STAT2: variants seen among roughly 807,000 people sequenced by gnomAD.
The protein encoded by STAT2 is signal transducer and activator of transcription 2.
Under a neutral mutation model 122.3 loss-of-function variants are expected in STAT2, and 51 were observed. That is an observed-to-expected ratio of 0.42 (90% CI 0.33 to 0.53). The LOEUF is 0.53. Among genes scored for constraint, STAT2 ranks in the 20% least tolerant of loss-of-function variants. The pLI, the probability that STAT2 is intolerant of heterozygous loss-of-function variation, is 0.10. For synonymous variants in STAT2, 351 were observed against 394.9 expected, an observed-to-expected ratio of 0.89 and a Z score of 1.32; for missense variants, 736 against 1,010.3, an observed-to-expected ratio of 0.73 and a Z score of 3.68.
Position 56,354,484 on chromosome 12 carries a change from A to G in STAT2, c.764T>C (p.Leu255Ser). The change falls in exon 8 of 24, where the codon TTG becomes TCG. Residue 255 changes from leucine to serine, a missense_variant. Leu to Ser is a moderately radical substitution (Grantham distance 145). Transcript: ENST00000314128. ...CTCTCACCATGTCTCCAGCTGTTCCAACCCGTGGTCAATGGGAGCTCTGAT... is the reference window on the plus strand; with the variant it reads ...CTCTCACCATGTCTCCAGCTGTTCCGACCCGTGGTCAATGGGAGCTCTGAT... Reference protein sequence around the residue: ...ACIRAPIDHGLEQLETWFTAG... With the variant: ...ACIRAPIDHGSEQLETWFTAG... 1 of 1,614,168 alleles carries G rather than the reference A, an allele frequency of 6.2e-7. No individual in the cohort carries two copies. The highest frequency in any genetic ancestry group is 8.5e-7 in the Non-Finnish European group (1 of 1,180,026).
chr12:56,346,429 C>T lies in STAT2; in HGVS notation c.2044+13G>A. The stretch of plus-strand genomic sequence containing the variant: ...TCTGCAATCTAGCAATGAAGTATGT[C>T]AACGATTCCCACCTTTCTCCTGGTA... On this transcript the variant is annotated intron_variant, in intron 21 of 23. Transcript: ENST00000314128. 1.9e-6 allele frequency: 3 copies of T among 1,613,902 alleles called. No individual in the cohort carries two copies. Among genetic ancestry groups the T allele is most frequent in the Non-Finnish European group, 1.7e-6 (2 of 1,179,900 alleles).
intron 22 of STAT2, among the ~76,000 whole-genome samples, chr12:56,345,172 CAAAAAAAAAA>C (rs35648397): frequency 7.4e-5 from 2 of 27,150 alleles, no homozygotes; most frequent in African/African-American, 3.4e-4. Flanking sequence ...GAGACTGTCT[CAAAAAAAAAA>C]AAAAAAAAAA....
At chr12:56,345,164 G>C (rs1485232157) in intron 22 of STAT2, among the ~76,000 whole-genome samples, 2 of 102,388 alleles carry the variant, frequency 2.0e-5, no homozygotes, top group Non-Finnish European at 1.8e-5. Flanking sequence ...ATGAGAGTGA[G>C]ACTGTCTCAA....
At chr12:56,353,647 T>C (rs1039345442) in intron 8 of STAT2, among the ~76,000 whole-genome samples, 2 of 152,092 alleles carry the variant, frequency 1.3e-5, no homozygotes, top group African/African-American at 4.8e-5. Flanking sequence ...TAAATTATGT[T>C]ACCACCATAT....
chr12:56,353,435 G>A (rs988885874), intron 8 of STAT2, among the ~76,000 whole-genome samples: 3 of 152,072 alleles, frequency 2.0e-5, no homozygotes, highest in Non-Finnish European at 4.4e-5. Context: ...GCCTGGCCTG[G>A]TATATTTCTA....
At chr12:56,345,172 CAAAAAAAAAAAAAA>C (rs35648397) in intron 22 of STAT2, among the ~76,000 whole-genome samples, 43 of 27,150 alleles carry the variant, frequency 1.6e-3, no homozygotes, top group African/African-American at 7.2e-3. Flanking sequence ...GAGACTGTCT[CAAAAAAAAAAAAAA>C]AAAAAAAAAA....
rs1467441950 is a variant in STAT2 at position 56,349,002 on chromosome 12, G to A, written c.1498C>T (p.Leu500Phe). Residue 500 changes from leucine (L) to phenylalanine (F), a missense_variant, in exon 17 of 24, where the codon CTC becomes TTC. Leu to Phe is a conservative substitution (Grantham distance 22). Coordinates refer to ENST00000314128, the MANE Select transcript of STAT2 (RefSeq NM_005419.4). The stretch of plus-strand genomic sequence containing the variant: ...ACATAGGAGGAGAACTGCCAACTGA[G>A]AGCAGGGCCCAGCAAGCTCCAGGGG... ...KAPWSLLGPALSWQFSSYVGR... is the reference protein window; with the variant it reads ...KAPWSLLGPAFSWQFSSYVGR... 1.2e-6 allele frequency: 2 copies of A among 1,613,870 alleles called. No individual in the cohort carries two copies. The highest frequency in any genetic ancestry group is 4.5e-5 in the East Asian group (2 of 44,896).
chr12:56,352,371 T>TTTTGGG (rs1565655623), intron 8 of STAT2: 8 of 28,506 alleles, frequency 2.8e-4, no homozygotes, highest in South Asian at 2.4e-3. Context: ...TTTTTTTTTT[T>TTTTGGG]GGTGGGGGTG....
intron 1 of STAT2, among the ~76,000 whole-genome samples, chr12:56,359,802 T>C (rs941464503): frequency 1.3e-5 from 2 of 152,222 alleles, no homozygotes; most frequent in African/African-American, 4.8e-5. Context: ...AAACGTCAGA[T>C]ACCGAACCAA....
Position 56,356,583 on chromosome 12 carries a change from G to A in STAT2, c.-7-5C>T, listed in dbSNP as rs562007427. 10 of 1,614,010 alleles carry A rather than the reference G, an allele frequency of 6.2e-6. No homozygotes were observed. Among genetic ancestry groups the A allele is most frequent in the African/African-American group, 1.3e-5 (1 of 75,038 alleles). On this transcript the variant is annotated splice_polypyrimidine_tract_variant and splice_region_variant and intron_variant, in intron 1 of 23. Transcript: ENST00000314128. ...TCCCACTGCGCCATTTGGGCTCTGC[G>A]TCAGAAGGATGAGGGTTCCCAATTG...
chr12:56,350,978 A>G, intron 10 of STAT2, 90 bp from the exon 11 acceptor site: 1 of 1,575,030 alleles, frequency 6.3e-7, no homozygotes, highest in East Asian at 2.2e-5. Context: ...GGATTATAAG[A>G]GGTAGGGAGA....
intron 23 of STAT2, 139 bp from the exon 24 acceptor site, chr12:56,343,670 G>C: frequency 6.6e-7 from 1 of 1,516,330 alleles, no homozygotes; most frequent in Non-Finnish European, 8.9e-7. Context: ...GCAGGGAGGT[G>C]GGGGAAGGCA....
intron 8 of STAT2, 87 bp from the exon 9 acceptor site, chr12:56,351,537 A>G: frequency 1.4e-6 from 2 of 1,447,054 alleles, no homozygotes; most frequent in Non-Finnish European, 1.9e-6. Context: ...AAATATGTGA[A>G]GAGTCAGAAA....
intron 22 of STAT2, among the ~76,000 whole-genome samples, chr12:56,345,859 C>G (rs1877372370): frequency 6.6e-6 from 1 of 151,310 alleles, no homozygotes; most frequent in African/African-American, 2.4e-5. Context: ...CATTATTATC[C>G]AGAAACCCCT....
chr12:56,357,852 A>G (rs1344824040), intron 1 of STAT2, among the ~76,000 whole-genome samples: 3 of 151,824 alleles, frequency 2.0e-5, no homozygotes, highest in Non-Finnish European at 4.4e-5. Flanking sequence ...CTGGGACTAC[A>G]GGAGTGTGCC....
In STAT2 at chr12:56,349,335, G is replaced by A; in HGVS notation, c.1342-74C>T. 3 of 1,614,006 alleles carry A rather than the reference G, an allele frequency of 1.9e-6. No individual in the cohort carries two copies. The East Asian group carries it at 6.7e-5, about 36-fold the overall frequency. On this transcript the variant is annotated intron_variant, in intron 15 of 23. Transcript: ENST00000314128. Reference sequence around the variant, plus strand: ...CAGGTATTTGTTAGAGGAAAGGAGTGCTAACCCACCCCAAGAGGCTTCTGT... The same window carrying A: ...CAGGTATTTGTTAGAGGAAAGGAGTACTAACCCACCCCAAGAGGCTTCTGT...
Position 56,347,034 on chromosome 12 carries a change from T to C in STAT2, c.1725-79A>G. On this transcript the variant is annotated intron_variant, in intron 19 of 23. Transcript: ENST00000314128. ...CCCCTGCCTCCCTGCTCCCCTTGTA[T>C]GGAGAAACAGCCCAGGTTTGGAATC... The C allele has an allele frequency of 3.8e-6, 6 of 1,564,998 alleles. No individual in the cohort carries two copies. The Admixed American group carries it at 9.1e-5, about 24-fold the overall frequency.
chr12:56,345,524 A>AATATATATATATAT (rs1555169411), intron 22 of STAT2, among the ~76,000 whole-genome samples: 10 of 26,248 alleles, frequency 3.8e-4, no homozygotes, highest in African/African-American at 2.7e-3. Context: ...AAAAAAAAAA[A>AATATATATATATAT]ATATATATAT....
chr12:56,347,165 A>C (rs1475402073), intron 19 of STAT2, among the ~76,000 whole-genome samples: 1 of 151,882 alleles, frequency 6.6e-6, no homozygotes, highest in Non-Finnish European at 1.5e-5. Flanking sequence ...ACGAAGATTC[A>C]GTGAGATCAC....
Sources: gnomAD v4.1 joint callset for allele counts (sites outside exome capture counted in the v4.1 genomes callset) on GRCh38, gnomAD v4.1.1 for gene constraint, MANE v1.5 for transcripts, NCBI Gene and HGNC (gene_info 2026-07-23, HGNC 2026-07-21) for gene names.